The following CNTNAP2 variants were observed in gnomAD, a reference collection of about 807,000 sequenced individuals.
CNTNAP2 encodes the protein contactin associated protein 2.
Under a neutral mutation model 155.2 loss-of-function variants are expected in CNTNAP2, and 98 were observed. The observed-to-expected ratio is 0.63, with a 90% CI of 0.54 to 0.75. CNTNAP2 has a LOEUF of 0.75. Among genes scored for constraint, CNTNAP2 ranks in the 30% least tolerant of loss-of-function variants. The probability of loss-of-function intolerance (pLI) is 0.00; values close to 1 mark genes in which losing one functional copy is unlikely to be tolerated. For missense variants in CNTNAP2, 1,727 were observed against 1,688.1 expected (o/e 1.02, Z -0.40); for synonymous variants, 651 against 631.2 (o/e 1.03, Z -0.47).
At chr7:146,331,314 A>AAT (rs1554418064) in intron 1 of CNTNAP2, among the ~76,000 whole-genome samples, 64 of 149,116 alleles carry the variant, frequency 4.3e-4, no homozygotes, top group African/African-American at 1.2e-3. Context: ...AAAAAAAAAA[A>AAT]AAATAAAAAT....
intron 4 of CNTNAP2, among the ~76,000 whole-genome samples, chr7:147,047,932 A>T (rs542369902): frequency 1.6e-4 from 25 of 152,306 alleles, no homozygotes; most frequent in African/African-American, 5.1e-4. Flanking sequence ...CACAAAATTT[A>T]AAAAGTAGCA....
At chr7:147,459,768 T>C (rs1343828539) in intron 10 of CNTNAP2, among the ~76,000 whole-genome samples, 1 of 152,146 alleles carries the variant, frequency 6.6e-6, no homozygotes, top group African/African-American at 2.4e-5. Flanking sequence ...ACAATAAAAT[T>C]GTGTTGTGGT....
chr7:146,902,770 C>T (rs1356405976), intron 3 of CNTNAP2, among the ~76,000 whole-genome samples: 1 of 152,176 alleles, frequency 6.6e-6, no homozygotes, highest in Non-Finnish European at 1.5e-5. Flanking sequence ...TTATCCCCAC[C>T]AATAAAGTAG....
chr7:148,418,240 G>A lies in CNTNAP2; in HGVS notation c.*2624G>A, dbSNP rs1223958830. On this transcript the variant is annotated 3_prime_UTR_variant, in exon 24 of 24. Transcript: ENST00000361727. ...TGTTTATGTGAAGAAAAAGAATTAA[G>A]TCTTTCTTCCAACTCTCTCCTTGGA... 2 of 152,170 alleles carry A rather than the reference G, an allele frequency of 1.3e-5. No individual in the cohort carries two copies. The highest frequency in any genetic ancestry group is 4.8e-5 in the African/African-American group (2 of 41,442). 9.4% of individuals were successfully genotyped at this position (152,170 alleles called of 1,614,324 possible). A position where few individuals can be genotyped will look rare whatever the true frequency, so the allele number is the denominator to read the frequency against.
intron 3 of CNTNAP2, among the ~76,000 whole-genome samples, chr7:146,903,564 A>T (rs1398571332): frequency 2.0e-5 from 3 of 152,204 alleles, no homozygotes; most frequent in African/African-American, 7.2e-5. Context: ...GAATTCATCA[A>T]GAAGATTTTT....
chr7:146,236,067 G>A (rs2116921101), intron 1 of CNTNAP2, among the ~76,000 whole-genome samples: 1 of 151,744 alleles, frequency 6.6e-6, no homozygotes, highest in South Asian at 2.1e-4. Flanking sequence ...ACTTTTTACT[G>A]TACATCTGTG....
At chr7:147,154,852 A>G (rs1801892144) in intron 8 of CNTNAP2, among the ~76,000 whole-genome samples, 1 of 152,154 alleles carries the variant, frequency 6.6e-6, no homozygotes, top group Non-Finnish European at 1.5e-5. Flanking sequence ...GAAAAAAAAA[A>G]GAAACAAAAA....
At chr7:146,746,795 A>G (rs193261277) in intron 1 of CNTNAP2, among the ~76,000 whole-genome samples, 151 of 152,280 alleles carry the variant, frequency 9.9e-4, no homozygotes, top group African/African-American at 3.5e-3. Context: ...TAATCATTTG[A>G]ATGGTTCTGA....
chr7:147,719,228 C>T (rs1434224842), intron 13 of CNTNAP2, among the ~76,000 whole-genome samples: 3 of 151,964 alleles, frequency 2.0e-5, no homozygotes, highest in Non-Finnish European at 2.9e-5. Context: ...GCCAAATGCC[C>T]CACCCACAGA....
intron 1 of CNTNAP2, among the ~76,000 whole-genome samples, chr7:146,587,997 C>CGT (rs764567174): frequency 0.31 from 42,008 of 135,660 alleles, 7,004 homozygotes; most frequent in South Asian, 0.44. Flanking sequence ...TCAAACAAAC[C>CGT]GTGTGTGTAT....
rs537245830 is a variant in CNTNAP2, at chr7:146,769,557, A to G, written c.98-4714A>G. ...TTTCAAATTCATTGTGGGCTCTTTC[A>G]TGTTGCTTGAGGTGTTCCCTCTTTC... is the stretch of plus-strand genomic sequence containing the variant. On this transcript the variant is annotated intron_variant, in intron 1 of 23. Coordinates refer to ENST00000361727, the MANE Select transcript of CNTNAP2 (RefSeq NM_014141.6). Among the ~76,000 whole-genome samples, 6 of 152,220 alleles carry G rather than the reference A, an allele frequency of 3.9e-5. No individual in the cohort carries two copies. In the East Asian group the frequency reaches 7.7e-4, roughly 20 times the overall value.
intron 13 of CNTNAP2, among the ~76,000 whole-genome samples, chr7:147,812,214 A>G (rs960729132): frequency 9.9e-5 from 15 of 152,146 alleles, no homozygotes; most frequent in Non-Finnish European, 2.2e-4. Context: ...TGTGTCTGAG[A>G]TGTTCCAGGA....
intron 18 of CNTNAP2, among the ~76,000 whole-genome samples, chr7:148,206,440 T>A (rs1444276918): frequency 6.6e-6 from 1 of 152,010 alleles, no homozygotes. Flanking sequence ...ATTCATACTA[T>A]TTTTACAACT....
chr7:146,825,216 T>C (rs561119507), intron 2 of CNTNAP2, among the ~76,000 whole-genome samples: 2 of 152,226 alleles, frequency 1.3e-5, no homozygotes, highest in South Asian at 4.1e-4. Flanking sequence ...TGTTGCCAAG[T>C]ATACATATGC....
At chr7:146,365,664 A>G (rs950908250) in intron 1 of CNTNAP2, among the ~76,000 whole-genome samples, 1 of 152,152 alleles carries the variant, frequency 6.6e-6, no homozygotes, top group African/African-American at 2.4e-5. Flanking sequence ...AATTTAACTC[A>G]TTATGCACAA....
chr7:146,138,723 G>C (rs1797833726), intron 1 of CNTNAP2, among the ~76,000 whole-genome samples: 2 of 151,866 alleles, frequency 1.3e-5, no homozygotes, highest in Admixed American at 1.3e-4. Context: ...GATATCATGG[G>C]GAAATCTGTT....
At chr7:148,278,665 G>C (rs1796921990) in intron 21 of CNTNAP2, among the ~76,000 whole-genome samples, 1 of 151,820 alleles carries the variant, frequency 6.6e-6, no homozygotes, top group Non-Finnish European at 1.5e-5. Context: ...CCAGGTGCTA[G>C]GCACAGAACA....
At chr7:147,481,991 C>A (rs764845380) in intron 10 of CNTNAP2, among the ~76,000 whole-genome samples, 4 of 152,088 alleles carry the variant, frequency 2.6e-5, no homozygotes, top group Admixed American at 6.5e-5. Context: ...AGAGATATTT[C>A]TTCTGAAATT....
At chr7:147,023,732 T>A (rs771343765) in intron 3 of CNTNAP2, among the ~76,000 whole-genome samples, 4 of 152,220 alleles carry the variant, frequency 2.6e-5, no homozygotes, top group Non-Finnish European at 4.4e-5. Flanking sequence ...TCTGCCCTCC[T>A]TGGGCATCAA....
Sources: allele counts gnomAD v4.1 joint callset (sites outside exome capture counted in the v4.1 genomes callset), GRCh38; gene constraint gnomAD v4.1.1; transcripts MANE v1.5; gene names NCBI Gene and HGNC (gene_info 2026-07-23, HGNC 2026-07-21).